HDAC9: variants seen among roughly 807,000 people sequenced by gnomAD.
HDAC9 encodes MEF-2 interacting transcription repressor (MITR) protein.
In HDAC9, 41 loss-of-function variants were observed where a neutral mutation model predicts 139.4. The observed-to-expected ratio is 0.29, with a 90% CI of 0.23 to 0.38. The LOEUF is 0.38. Among genes scored for constraint, HDAC9 ranks in the 10% least tolerant of loss-of-function variants. The pLI, the probability that HDAC9 is intolerant of heterozygous loss-of-function variation, is 1.00. For missense variants in HDAC9, 1,147 were observed against 1,297.0 expected (o/e 0.88, Z 1.78); for synonymous variants, 517 against 476.2 (o/e 1.09, Z -1.12).
In HDAC9 at chr7:18,590,480, C is replaced by A. The variant is rs1379928083; in HGVS notation, c.409C>A (p.Arg137=). The part of the protein sequence containing the change: ...LPPLRGKDRG[R]ERAVASTEVK... ...TCCTCTCAGAGGCAAAGATAGAGGA[C>A]GAGAAAGTAAGAGGCACCAGGGTAA... The change falls in exon 4 of 26, where the codon CGA becomes AGA. Residue 137 remains arginine (R), a synonymous_variant. Transcript: ENST00000686413. 1.3e-6 allele frequency: 2 copies of A among 1,595,266 alleles called. No individual in the cohort carries two copies. Among genetic ancestry groups the A allele is most frequent in the African/African-American group, 1.3e-5 (1 of 74,616 alleles).
rs990389028 is a variant in HDAC9 at position 18,611,710 on chromosome 7, G to A, written c.665-17640G>A. ...TTTTGCTAAAATTAAGTACCATGTA[G>A]CATCTATCCTGATAAAAGTAGTGAC... On this transcript the variant is annotated intron_variant, in intron 6 of 25. Coordinates refer to ENST00000686413, the MANE Select transcript of HDAC9 (RefSeq NM_178425.4). 2.6e-5 allele frequency among the ~76,000 whole-genome samples: 4 copies of A among 152,046 alleles called. No individual in the cohort carries two copies. In the South Asian group the frequency reaches 6.2e-4, roughly 24 times the overall value.
At chr7:18,486,838 A>T (rs1796010206) in intron 1 of HDAC9, among the ~76,000 whole-genome samples, 2 of 152,094 alleles carry the variant, frequency 1.3e-5, no homozygotes, top group African/African-American at 2.4e-5. Context: ...AATGCAGAAG[A>T]TGGTCAAAAT....
chr7:18,640,198 G>A (rs1785123947), intron 8 of HDAC9, among the ~76,000 whole-genome samples: 1 of 150,498 alleles, frequency 6.6e-6, no homozygotes, highest in South Asian at 2.1e-4. Context: ...TGGAGTTTAA[G>A]ACGAGCCTGG....
At chr7:18,994,540 C>A (rs961351022) in intron 25 of HDAC9, among the ~76,000 whole-genome samples, 1 of 152,196 alleles carries the variant, frequency 6.6e-6, no homozygotes, top group East Asian at 1.9e-4. Flanking sequence ...TTTAAATATT[C>A]CACACAGACT....
At chr7:18,509,502 T>C (rs975924822) in intron 2 of HDAC9, 33 of 941,060 alleles carry the variant, frequency 3.5e-5, no homozygotes, top group East Asian at 1.2e-4. Context: ...TCAGTATTTA[T>C]TGAGTCCTTG....
intron 22 of HDAC9, 68 bp from the exon 23 acceptor site, chr7:18,935,741 A>G (rs552363847): frequency 1.8e-5 from 26 of 1,412,760 alleles, no homozygotes; most frequent in East Asian, 1.4e-4. Flanking sequence ...TACATGCTCA[A>G]TGTTAGATTC....
chr7:18,689,379 G>A (rs934901009), intron 12 of HDAC9, among the ~76,000 whole-genome samples: 41 of 151,914 alleles, frequency 2.7e-4, no homozygotes, highest in Middle Eastern at 3.2e-3. Context: ...GTAGGATATG[G>A]CTAAGAAACA....
Position 18,935,986 on chromosome 7 carries a change from G to A in HDAC9, c.2937+44G>A, listed in dbSNP as rs187241393. 14 of 1,570,240 alleles carry A rather than the reference G, an allele frequency of 8.9e-6. No individual in the cohort carries two copies. The East Asian group carries it at 2.5e-4, about 28-fold the overall frequency. Reference sequence around the variant, plus strand: ...AAAGGGGCAGGGGTAAAGAATCAGGGATGTATGCATGCATATTTTTAAACT... The same window carrying A: ...AAAGGGGCAGGGGTAAAGAATCAGGAATGTATGCATGCATATTTTTAAACT... On this transcript the variant is annotated intron_variant, in intron 23 of 25. Transcript: ENST00000686413.
chr7:18,104,058 A>G (rs1232546324), intron 1 of HDAC9, among the ~76,000 whole-genome samples: 1 of 152,184 alleles, frequency 6.6e-6, no homozygotes, highest in Non-Finnish European at 1.5e-5. Flanking sequence ...CCTAACATGC[A>G]CAGCTTTGGG....
chr7:18,761,354 T>C (rs949772892), intron 14 of HDAC9, among the ~76,000 whole-genome samples: 1 of 152,210 alleles, frequency 6.6e-6, no homozygotes, highest in African/African-American at 2.4e-5. Context: ...AAAAAATTGA[T>C]GGAGTCTAGA....
chr7:18,774,481 G>C (rs1198541093), intron 16 of HDAC9, among the ~76,000 whole-genome samples: 2 of 151,978 alleles, frequency 1.3e-5, no homozygotes. Context: ...CAAATGTTTT[G>C]TTTCTCAGTG....
chr7:18,578,089 C>G (rs1826575690), intron 2 of HDAC9: 1 of 516,600 alleles, frequency 1.9e-6, no homozygotes, highest in Non-Finnish European at 3.9e-6. Flanking sequence ...GATCCCTTTC[C>G]CAGAGTGCTC....
chr7:18,167,503 A>G (rs1788089685), intron 2 of HDAC9, among the ~76,000 whole-genome samples: 1 of 152,212 alleles, frequency 6.6e-6, no homozygotes, highest in Non-Finnish European at 1.5e-5. Context: ...TCCATAATGC[A>G]GGCCAAACAG....
At chr7:18,838,774 T>C (rs1796399439) in intron 21 of HDAC9, among the ~76,000 whole-genome samples, 1 of 151,964 alleles carries the variant, frequency 6.6e-6, no homozygotes, top group Admixed American at 6.6e-5. Flanking sequence ...TCTTTTCTCT[T>C]AGTTTTTAAT....
chr7:18,456,174 C>T (rs1409455240), intron 1 of HDAC9, among the ~76,000 whole-genome samples: 1 of 152,138 alleles, frequency 6.6e-6, no homozygotes, highest in Non-Finnish European at 1.5e-5. Flanking sequence ...TAATTTCATT[C>T]TACCATAAAT....
intron 1 of HDAC9, chr7:18,087,342 C>T (rs901888825): frequency 6.6e-6 from 1 of 152,102 alleles, no homozygotes; most frequent in South Asian, 2.1e-4. Context: ...CATCTCAGTC[C>T]GGACTCTGAT....
At chr7:18,459,220 G>A (rs1443596620) in intron 1 of HDAC9, among the ~76,000 whole-genome samples, 1 of 151,990 alleles carries the variant, frequency 6.6e-6, no homozygotes, top group African/African-American at 2.4e-5. Flanking sequence ...CCTCTCCTTA[G>A]CCACAACTGC....
At chr7:18,245,811 C>A (rs1794487536) in intron 2 of HDAC9, among the ~76,000 whole-genome samples, 1 of 152,022 alleles carries the variant, frequency 6.6e-6, no homozygotes, top group Admixed American at 6.6e-5. Context: ...CGTTTGTTCA[C>A]CATTGAATCC....
At chr7:18,414,865 T>C (rs914202830) in intron 1 of HDAC9, among the ~76,000 whole-genome samples, 1 of 152,186 alleles carries the variant, frequency 6.6e-6, no homozygotes, top group Non-Finnish European at 1.5e-5. Flanking sequence ...TTACCTCAAC[T>C]TTTTTTCCTC....
Sources: allele counts gnomAD v4.1 joint callset (sites outside exome capture counted in the v4.1 genomes callset), GRCh38; gene constraint gnomAD v4.1.1; transcripts MANE v1.5; gene names NCBI Gene and HGNC (gene_info 2026-07-23, HGNC 2026-07-21).